The following DUSP26 variants were observed in gnomAD, a reference collection of about 807,000 sequenced individuals.
DUSP26 encodes dual specificity phosphatase 26.
In DUSP26, 12 loss-of-function variants were observed where a neutral mutation model predicts 20.0. That is an observed-to-expected ratio of 0.60 (90% CI 0.38 to 0.97). The LOEUF (loss-of-function observed/expected upper bound fraction) is 0.97, where lower values mean the gene tolerates loss of function less well. Among genes scored for constraint, DUSP26 ranks in the 50% least tolerant of loss-of-function variants. The probability of loss-of-function intolerance (pLI) is 0.00; values close to 1 mark genes in which losing one functional copy is unlikely to be tolerated. For missense variants in DUSP26, 230 were observed against 294.0 expected (o/e 0.78, Z 1.59); for synonymous variants, 120 against 118.8 (o/e 1.01, Z -0.06).
At position 33,592,000 on chromosome 8, in the gene DUSP26, T is replaced by A. The variant is rs747978858; in HGVS notation, c.*13A>T. The A allele has an allele frequency of 6.2e-7, 1 of 1,611,970 alleles. No homozygotes were observed. The highest frequency in any genetic ancestry group is 8.5e-7 in the Non-Finnish European group (1 of 1,179,904). ...CTACCCACGGGCCTGGCCTGACCTCTCTCCCCCTCCCCTCATGCTTCCAGA... is the reference window on the plus strand; with the variant it reads ...CTACCCACGGGCCTGGCCTGACCTCACTCCCCCTCCCCTCATGCTTCCAGA... On this transcript the variant is annotated 3_prime_UTR_variant, in exon 4 of 4. Coordinates refer to ENST00000256261, the MANE Select transcript of DUSP26 (RefSeq NM_024025.3).
intron 3 of DUSP26, among the ~76,000 whole-genome samples, chr8:33,592,673 G>A (rs1025444059): frequency 4.6e-5 from 7 of 151,966 alleles, no homozygotes; most frequent in Non-Finnish European, 8.8e-5. Flanking sequence ...CAAAAGGGGA[G>A]AGGCCTGGAC....
chr8:33,597,872 C>G (rs1811186039), intron 1 of DUSP26: 1 of 241,824 alleles, frequency 4.1e-6, no homozygotes, highest in Admixed American at 5.3e-5. Flanking sequence ...ACCCCCACTG[C>G]CAGCACGCAT....
chr8:33,597,666 C>G (rs1046538897), intron 1 of DUSP26, 75 bp from the exon 2 acceptor site: 27 of 643,936 alleles, frequency 4.2e-5, no homozygotes, highest in Admixed American at 6.2e-5. Flanking sequence ...GCTGGTCCTT[C>G]GGGAGAAGAT....
chr8:33,594,249 C>A (rs1811090871), intron 2 of DUSP26, among the ~76,000 whole-genome samples: 1 of 151,948 alleles, frequency 6.6e-6, no homozygotes. Context: ...GGATGTTTTG[C>A]CTGGAGAAGA....
chr8:33,599,242 C>G (rs577462612), intron 1 of DUSP26, among the ~76,000 whole-genome samples: 13 of 152,290 alleles, frequency 8.5e-5, no homozygotes, highest in Admixed American at 1.3e-4. Flanking sequence ...AACCTTTCCT[C>G]TTAGAGAGTC....
chr8:33,592,705 G>T (rs1428355198), intron 3 of DUSP26, among the ~76,000 whole-genome samples: 1 of 152,102 alleles, frequency 6.6e-6, no homozygotes, highest in Admixed American at 6.6e-5. Flanking sequence ...AAGGGGACAT[G>T]CAGTGGCTCA....
At chr8:33,597,628 G>T in intron 1 of DUSP26, 37 bp from the exon 2 acceptor site, 1 of 853,648 alleles carries the variant, frequency 1.2e-6, no homozygotes, top group Non-Finnish European at 1.8e-6. Context: ...ACTTGAGTGA[G>T]TCCAGAGCAG....
At chr8:33,594,819 G>T (rs1811105394) in intron 2 of DUSP26, among the ~76,000 whole-genome samples, 1 of 150,984 alleles carries the variant, frequency 6.6e-6, no homozygotes, top group Non-Finnish European at 1.5e-5. Context: ...TGCCTCCCAG[G>T]TTCAAGCGAA....
intron 2 of DUSP26, among the ~76,000 whole-genome samples, chr8:33,594,878 C>A (rs938921160): frequency 4.0e-4 from 60 of 151,882 alleles, no homozygotes; most frequent in Non-Finnish European, 7.5e-4. Flanking sequence ...TGCCTGCCAC[C>A]ATGCCCGGCT....
intron 2 of DUSP26, among the ~76,000 whole-genome samples, chr8:33,595,648 G>A (rs912737972): frequency 2.0e-5 from 3 of 151,942 alleles, no homozygotes; most frequent in Admixed American, 6.6e-5. Flanking sequence ...CAAAGTGCTG[G>A]GATTACAGAT....
chr8:33,595,581 A>C (rs1811123939), intron 2 of DUSP26, among the ~76,000 whole-genome samples: 1 of 151,758 alleles, frequency 6.6e-6, no homozygotes, highest in African/African-American at 2.4e-5. Context: ...GGGTTTCACT[A>C]TCTTGGCCAG....
At position 33,592,077 on chromosome 8, in the gene DUSP26, T is replaced by C; in HGVS notation, c.572A>G (p.Asn191Ser). ...KVKDHRGIIP[N>S]RGFLRQLLAL... is the part of the protein sequence containing the mutation. ...CAGGAGCTGCCTCAGGAAGCCCCGG[T>C]TGGGGATGATGCCTCGGTGGTCTTT... Residue 191 changes from asparagine to serine, a missense_variant, in exon 4 of 4, where the codon AAC becomes AGC. Physicochemically the swap from Asn to Ser is conservative, Grantham distance 46 (BLOSUM62 1). Coordinates refer to ENST00000256261, the MANE Select transcript of DUSP26 (RefSeq NM_024025.3). 6.2e-7 allele frequency: 1 copy of C among 1,613,920 alleles called. No homozygotes were observed. Among genetic ancestry groups the C allele is most frequent in the Non-Finnish European group, 8.5e-7 (1 of 1,179,966 alleles).
chr8:33,596,724 T>C (rs996510203), intron 2 of DUSP26, among the ~76,000 whole-genome samples: 1 of 152,160 alleles, frequency 6.6e-6, no homozygotes, highest in Non-Finnish European at 1.5e-5. Context: ...AGAATCTCTG[T>C]AGGCACTGCC....
intron 2 of DUSP26, among the ~76,000 whole-genome samples, chr8:33,596,139 C>T (rs558237274): frequency 6.6e-6 from 1 of 152,246 alleles, no homozygotes; most frequent in East Asian, 1.9e-4. Flanking sequence ...CAAAAATCAG[C>T]TGTGTGTGGT....
intron 3 of DUSP26, among the ~76,000 whole-genome samples, chr8:33,592,954 A>G (rs1811056007): frequency 6.6e-6 from 1 of 152,174 alleles, no homozygotes; most frequent in Non-Finnish European, 1.5e-5. Flanking sequence ...AGCTCACTAC[A>G]ACCTCTAATT....
At position 33,593,887 on chromosome 8, in the gene DUSP26, AGT is replaced by A. The variant is rs1811083025; in HGVS notation, c.222-142_222-141del. 5.2e-6 allele frequency: 5 copies of A among 962,580 alleles called. No individual in the cohort carries two copies. The East Asian group carries it at 1.3e-4, about 26-fold the overall frequency. The allele number at this position is 962,580 out of a possible 1,614,324, so 59.6% of individuals were successfully genotyped here. On this transcript the variant is annotated intron_variant, in intron 2 of 3. Coordinates refer to ENST00000256261, the MANE Select transcript of DUSP26 (RefSeq NM_024025.3). ...AGTCTCGCTCTGTTTCCTAGGCCAG[AGT>A]GCTCACTGCCACCTCCATCTCCTGG...
At chr8:33,595,730 C>T (rs769172496) in intron 2 of DUSP26, among the ~76,000 whole-genome samples, 6 of 152,060 alleles carry the variant, frequency 3.9e-5, no homozygotes, top group Non-Finnish European at 7.4e-5. Context: ...CGGCCCAGAC[C>T]CCTCAGCTTG....
In DUSP26 at chr8:33,597,405, G is replaced by A. The variant is rs16881117; in HGVS notation, c.111C>T (p.Thr37=). Reference sequence around the variant, plus strand: ...AGACATTGAGGAAAGGATGTTGAACGGTTGGCATCTCCTCCAGGGTCCCTC... The same window carrying A: ...AGACATTGAGGAAAGGATGTTGAACAGTTGGCATCTCCTCCAGGGTCCCTC... The part of the protein sequence containing the change: ...RTRGTLEEMP[T]VQHPFLNVFE... Residue 37 remains threonine, a synonymous_variant, in exon 2 of 4, where the codon ACC becomes ACT. Coordinates refer to ENST00000256261, the MANE Select transcript of DUSP26 (RefSeq NM_024025.3). The A allele has an allele frequency of 0.03, 48,075 of 1,614,146 alleles. 930 individuals carry two copies. Among genetic ancestry groups the A allele is most frequent in the Middle Eastern group, 0.088 (532 of 6,052 alleles).
intron 2 of DUSP26, among the ~76,000 whole-genome samples, chr8:33,594,810 G>A (rs914958105): frequency 1.3e-5 from 2 of 149,836 alleles, no homozygotes; most frequent in African/African-American, 2.5e-5. Context: ...TGCAACCTCT[G>A]CCTCCCAGGT....
Sources: allele counts gnomAD v4.1 joint callset (sites outside exome capture counted in the v4.1 genomes callset), GRCh38; gene constraint gnomAD v4.1.1; transcripts MANE v1.5; gene names NCBI Gene and HGNC (gene_info 2026-07-23, HGNC 2026-07-21).